Variants in FOXP1 observed in about 807,000 individuals in gnomAD.
FOXP1 encodes forkhead box protein P1.
FOXP1 carries 15 observed loss-of-function variants against 98.2 expected under a neutral mutation model. That is an observed-to-expected ratio of 0.15 (90% CI 0.10 to 0.24). The LOEUF (loss-of-function observed/expected upper bound fraction) is 0.24. Among genes scored for constraint, FOXP1 ranks in the 10% least tolerant of loss-of-function variants. FOXP1 has a pLI of 1.00. For missense variants in FOXP1, 633 were observed against 848.5 expected, an observed-to-expected ratio of 0.75 and a Z score of 3.15; for synonymous variants, 371 against 314.5, an observed-to-expected ratio of 1.18 and a Z score of -1.90.
chr3:71,252,644 G>C (rs1273387471), intron 5 of FOXP1, among the ~76,000 whole-genome samples: 2 of 152,158 alleles, frequency 1.3e-5, no homozygotes, highest in Non-Finnish European at 2.9e-5. Context: ...ACGTCACCCA[G>C]TCTTCTGACA....
At chr3:71,370,235 A>T (rs1366274244) in intron 3 of FOXP1, among the ~76,000 whole-genome samples, 2 of 151,454 alleles carry the variant, frequency 1.3e-5, no homozygotes, top group African/African-American at 2.5e-5. Context: ...GGCCAAATAG[A>T]TTGAGTAATA....
chr3:71,315,011 C>T (rs909155463), intron 4 of FOXP1, among the ~76,000 whole-genome samples: 4 of 127,428 alleles, frequency 3.1e-5, no homozygotes, highest in Admixed American at 1.0e-4. Flanking sequence ...AGAAGAATTA[C>T]AAGCGGGAAT....
rs4055929 is a variant in FOXP1 at position 71,113,712 on chromosome 3, CAAAAT to C, written c.181-1080_181-1076del. On this transcript the variant is annotated intron_variant, in intron 6 of 20. Coordinates refer to ENST00000649528, the MANE Select transcript of FOXP1 (RefSeq NM_001349338.3). ...TGGGTAACAGAATAAGCTTCCATCT[CAAAAT>C]AAAATAAAATAAAATAAAATAAAAT... Among the ~76,000 whole-genome samples, 380 of 102,398 alleles carry C rather than the reference CAAAAT, an allele frequency of 3.7e-3. 5 individuals carry two copies. Among genetic ancestry groups the C allele is most frequent in the African/African-American group, 0.013 (356 of 26,590 alleles). The allele number at this position is 102,398 out of a possible 152,430, so 67.2% of individuals were successfully genotyped here.
At chr3:71,456,388 G>C (rs192883794) in intron 3 of FOXP1, among the ~76,000 whole-genome samples, 1 of 152,152 alleles carries the variant, frequency 6.6e-6, no homozygotes, top group African/African-American at 2.4e-5. Context: ...AAGGTGCCGG[G>C]TTTTCTTGTA....
At chr3:71,312,423 C>G (rs1221418643) in intron 4 of FOXP1, among the ~76,000 whole-genome samples, 1 of 152,190 alleles carries the variant, frequency 6.6e-6, no homozygotes, top group Non-Finnish European at 1.5e-5. Context: ...ATTCAGGCTT[C>G]AAGCTCCCCT....
intron 3 of FOXP1, among the ~76,000 whole-genome samples, chr3:71,473,236 C>G (rs887744772): frequency 2.0e-5 from 3 of 152,142 alleles, no homozygotes; most frequent in Non-Finnish European, 4.4e-5. Flanking sequence ...TACCTAGGTA[C>G]ATACAGCTAG....
chr3:70,982,773 A>C (rs1484348198), intron 14 of FOXP1, among the ~76,000 whole-genome samples: 1 of 152,004 alleles, frequency 6.6e-6, no homozygotes. Flanking sequence ...TGAGTCACTC[A>C]CATTAAAAAA....
chr3:71,279,778 A>G (rs1225174304), intron 5 of FOXP1, among the ~76,000 whole-genome samples: 6 of 152,178 alleles, frequency 3.9e-5, no homozygotes, highest in African/African-American at 1.4e-4. Context: ...AAAATGTAGC[A>G]TACTCCTGGC....
At position 71,583,610 on chromosome 3, in the gene FOXP1, C is replaced by T; in HGVS notation, c.-486G>A. 1.0e-6 allele frequency: 1 copy of T among 983,984 alleles called. No homozygotes were observed. The highest frequency in any genetic ancestry group is 1.2e-6 in the Non-Finnish European group (1 of 829,550). 61.0% of individuals were successfully genotyped at this position (983,984 alleles called of 1,614,324 possible). On this transcript the variant is annotated 5_prime_UTR_variant, in exon 1 of 21. Coordinates refer to ENST00000649528, the MANE Select transcript of FOXP1 (RefSeq NM_001349338.3). ...CTCTCGGTGCAAACTAAGGTGTTTT[C>T]GGGCCTTTCCCCGCGCGCGCCCACT... is the stretch of plus-strand genomic sequence containing the variant.
intron 6 of FOXP1, among the ~76,000 whole-genome samples, chr3:71,155,724 C>T (rs2060787327): frequency 6.6e-6 from 1 of 152,252 alleles, no homozygotes; most frequent in Non-Finnish European, 1.5e-5. Context: ...AATCTAACAT[C>T]ACATTCTTAG....
intron 7 of FOXP1, among the ~76,000 whole-genome samples, chr3:71,064,298 T>C (rs1559852855): frequency 6.6e-6 from 1 of 152,148 alleles, no homozygotes; most frequent in African/African-American, 2.4e-5. Flanking sequence ...AACATCCACA[T>C]GGGTTACACT....
chr3:71,180,422 C>T lies in FOXP1; in HGVS notation c.180+17780G>A, dbSNP rs867820276. ...GAACATTGAGACATGAAAGTCTTTG[C>T]CACGTGTAAAATCGTAGATGTTTTA... On this transcript the variant is annotated intron_variant, in intron 6 of 20. Transcript: ENST00000649528. 3.3e-5 allele frequency among the ~76,000 whole-genome samples: 5 copies of T among 152,022 alleles called. No individual in the cohort carries two copies. The Middle Eastern group carries it at 0.01, about 310-fold the overall frequency.
rs1028878306 is a variant in FOXP1, at chr3:71,163,156, A to G, written c.180+35046T>C. On this transcript the variant is annotated intron_variant, in intron 6 of 20. Coordinates refer to ENST00000649528, the MANE Select transcript of FOXP1 (RefSeq NM_001349338.3). The stretch of plus-strand genomic sequence containing the variant: ...ACGTGAATAACAGTTAAATTAGTGG[A>G]TCTGCTTCCCAAATCTTTTTTTCCA... 2.4e-4 allele frequency among the ~76,000 whole-genome samples: 37 copies of G among 152,224 alleles called. 1 individual carries two copies.
chr3:71,456,211 T>G (rs1412435421), intron 3 of FOXP1, among the ~76,000 whole-genome samples: 1 of 152,146 alleles, frequency 6.6e-6, no homozygotes, highest in Non-Finnish European at 1.5e-5. Context: ...CAAGTCGCCC[T>G]TGCTGTATTG....
chr3:71,279,128 C>T (rs1375301763), intron 5 of FOXP1, among the ~76,000 whole-genome samples: 3 of 132,614 alleles, frequency 2.3e-5, no homozygotes, highest in Admixed American at 8.6e-5. Flanking sequence ...GGGAGGATCA[C>T]GCCGTTGCAC....
At chr3:71,582,159 G>C (rs1472289369) in intron 1 of FOXP1, 4 of 984,994 alleles carry the variant, frequency 4.1e-6, no homozygotes, top group Admixed American at 1.2e-4. Flanking sequence ...GAGCTCCCCA[G>C]AGCCCGTGTG....
intron 14 of FOXP1, among the ~76,000 whole-genome samples, chr3:70,985,689 T>G (rs1025110967): frequency 6.8e-6 from 1 of 147,056 alleles, no homozygotes; most frequent in African/African-American, 2.5e-5. Flanking sequence ...AAATGTGATC[T>G]TTTTTTTTTT....
At chr3:71,436,098 G>C (rs1476399105) in intron 3 of FOXP1, among the ~76,000 whole-genome samples, 2 of 151,866 alleles carry the variant, frequency 1.3e-5, no homozygotes, top group African/African-American at 4.8e-5. Context: ...TTCAGGGAAT[G>C]TGGGTTTATA....
At chr3:71,066,166 A>T (rs2052482144) in intron 7 of FOXP1, among the ~76,000 whole-genome samples, 1 of 150,682 alleles carries the variant, frequency 6.6e-6, no homozygotes, top group Admixed American at 6.6e-5. Flanking sequence ...GTACATTTTG[A>T]TGTGAAGTGT....
Sources: allele counts gnomAD v4.1 joint callset (sites outside exome capture counted in the v4.1 genomes callset), GRCh38; gene constraint gnomAD v4.1.1; transcripts MANE v1.5; gene names NCBI Gene and HGNC (gene_info 2026-07-23, HGNC 2026-07-21).